CCDC30: variants seen among roughly 807,000 people sequenced by gnomAD.
CCDC30 encodes coiled-coil domain-containing protein 30.
A neutral mutation model predicts 100.2 loss-of-function variants in CCDC30; 70 were observed. That is an observed-to-expected ratio of 0.70 (90% confidence interval 0.58 to 0.85). The LOEUF (loss-of-function observed/expected upper bound fraction) is 0.85. Ranked by LOEUF, CCDC30 falls within the 40% of genes least tolerant of loss-of-function variation. CCDC30 has a pLI of 0.00. For synonymous variants in CCDC30, 233 were observed against 269.5 expected (o/e 0.86, Z 1.33); for missense variants, 652 against 771.2 (o/e 0.85, Z 1.83).
chr1:42,619,800 C>A (rs112556213), intron 11 of CCDC30, among the ~76,000 whole-genome samples: 2 of 152,318 alleles, frequency 1.3e-5, no homozygotes, highest in African/African-American at 4.8e-5. Context: ...CCCCGCCCCC[C>A]ATCCACCTGC....
intron 6 of CCDC30, among the ~76,000 whole-genome samples, chr1:42,561,452 A>C (rs371580751): frequency 3.9e-5 from 6 of 152,354 alleles, no homozygotes; most frequent in Admixed American, 6.5e-5. Context: ...GATGGAACAT[A>C]TCTCAAAATA....
In CCDC30 at chr1:42,535,401, C is replaced by T. The variant is rs542048538; in HGVS notation, c.457-30895C>T. On this transcript the variant is annotated intron_variant, in intron 6 of 16. Transcript: ENST00000668663. ...GCTAAGAAAAGTGAGGTAACTAGCT[C>T]GGGATGCCATTGTTGGAAACCAGTA... Among the ~76,000 whole-genome samples, 13 of 151,704 alleles carry T rather than the reference C, an allele frequency of 8.6e-5. 1 individual carries two copies. In the South Asian group the frequency reaches 2.5e-3, roughly 29 times the overall value.
At chr1:42,473,405 A>T in intron 1 of CCDC30, 1 of 646,724 alleles carries the variant, frequency 1.5e-6, no homozygotes. Flanking sequence ...ATCACTGTAT[A>T]GTTTGAAAAG....
intron 6 of CCDC30, among the ~76,000 whole-genome samples, chr1:42,565,195 G>A (rs1336422558): frequency 2.0e-5 from 3 of 152,034 alleles, no homozygotes; most frequent in Admixed American, 6.6e-5. Context: ...ATGGGGTTGC[G>A]TCAAGTTAAA....
At chr1:42,600,097 C>T (rs780863207) in intron 10 of CCDC30, among the ~76,000 whole-genome samples, 2 of 152,130 alleles carry the variant, frequency 1.3e-5, no homozygotes, top group Non-Finnish European at 2.9e-5. Context: ...GATCCAATCA[C>T]CTTCCACCAG....
chr1:42,621,167 A>T (rs1169512199), intron 11 of CCDC30, among the ~76,000 whole-genome samples: 2 of 152,242 alleles, frequency 1.3e-5, no homozygotes, highest in Non-Finnish European at 2.9e-5. Flanking sequence ...TTTTATAGGT[A>T]CATAGTAGGT....
chr1:42,644,895 T>C, intron 14 of CCDC30, 88 bp downstream of exon 18: 2 of 831,940 alleles, frequency 2.4e-6, no homozygotes, highest in Non-Finnish European at 4.0e-6. Flanking sequence ...TTCATCTTTA[T>C]ATAGCTGTAG....
intron 6 of CCDC30, among the ~76,000 whole-genome samples, chr1:42,532,459 T>C (rs1032360885): frequency 1.3e-5 from 2 of 152,230 alleles, no homozygotes; most frequent in African/African-American, 4.8e-5. Flanking sequence ...CTTAGTGCTG[T>C]TATTACACGT....
In CCDC30 at chr1:42,641,259, GT is replaced by G. The variant is rs2148683612; in HGVS notation, c.1420-1213del. Among the ~76,000 whole-genome samples, 4 of 149,030 alleles carry G rather than the reference GT, an allele frequency of 2.7e-5. No homozygotes were observed. The South Asian group carries it at 8.5e-4, about 32-fold the overall frequency. On this transcript the variant is annotated intron_variant, in intron 12 of 16. Coordinates refer to ENST00000668663, the Ensembl canonical transcript of CCDC30. ...TGTGTGTGTGTGTGTGTGTGTGTGT[GT>G]GGAGACGGGGTCTCACCATGTTGAC...
chr1:42,625,213 G>C (rs1419606304), intron 11 of CCDC30, among the ~76,000 whole-genome samples: 1 of 151,786 alleles, frequency 6.6e-6, no homozygotes, highest in Non-Finnish European at 1.5e-5. Context: ...GAATTTCTGT[G>C]GTATTAGTTG....
intron 2 of CCDC30, among the ~76,000 whole-genome samples, chr1:42,481,334 G>A (rs1176033518): frequency 6.6e-6 from 1 of 151,990 alleles, no homozygotes; most frequent in Non-Finnish European, 1.5e-5. Flanking sequence ...CCAGCACTTT[G>A]GGAGGCCAAG....
intron 6 of CCDC30, among the ~76,000 whole-genome samples, chr1:42,561,981 A>G (rs960250035): frequency 1.3e-5 from 2 of 151,894 alleles, no homozygotes; most frequent in Non-Finnish European, 1.5e-5. Flanking sequence ...GTTCCATCCT[A>G]ACATCCTAAT....
chr1:42,462,875 A>G (rs1172150938), upstream of CCDC30, among the ~76,000 whole-genome samples: 1 of 152,182 alleles, frequency 6.6e-6, no homozygotes, highest in African/African-American at 2.4e-5. Flanking sequence ...TACGTGCCCC[A>G]CGTGGCTAGT....
chr1:42,482,583 T>TTTTTTTTTTTTTTTTTTTTGAG (rs1643979903), intron 2 of CCDC30, 80 bp from the exon 3 acceptor site: 2 of 915,148 alleles, frequency 2.2e-6, no homozygotes, highest in African/African-American at 3.4e-5. Flanking sequence ...TATTGGCTTT[T>TTTTTTTTTTTTTTTTTTTTGAG]AAACATTAAT....
rs530068027 is a variant in CCDC30, at chr1:42,543,253, G to A, written c.457-23043G>A. Among the ~76,000 whole-genome samples, 388 of 149,212 alleles carry A rather than the reference G, an allele frequency of 2.6e-3. 1 individual carries two copies. The highest frequency in any genetic ancestry group is 4.4e-3 in the Non-Finnish European group (297 of 67,608). Reference sequence around the variant, plus strand: ...CTCCCAAAGTGCTGGGATTACAGGTGTGAGCCACCACAACTGGCCTTCTTT... The same window carrying A: ...CTCCCAAAGTGCTGGGATTACAGGTATGAGCCACCACAACTGGCCTTCTTT... On this transcript the variant is annotated intron_variant, in intron 6 of 16. Coordinates refer to ENST00000668663, the Ensembl canonical transcript of CCDC30.
intron 9 of CCDC30, 129 bp downstream of exon 13, chr1:42,581,643 C>A: frequency 1.3e-6 from 1 of 752,858 alleles, no homozygotes; most frequent in Non-Finnish European, 2.1e-6. Context: ...AACTCAGCCA[C>A]ACACAATTCC....
At chr1:42,473,431 C>CT (rs533619604) in intron 1 of CCDC30, 7,818 of 367,226 alleles carry the variant, frequency 0.021, no homozygotes, top group East Asian at 0.057. Context: ...ACGTGTAGAC[C>CT]TTTTTTTTTT....
chr1:42,502,647 A>C (rs72659929), intron 6 of CCDC30, among the ~76,000 whole-genome samples: 2 of 152,004 alleles, frequency 1.3e-5, no homozygotes, highest in Non-Finnish European at 2.9e-5. Flanking sequence ...ATCCCCCAAG[A>C]GAGAAACTCT....
chr1:42,616,916 T>C (rs1015315138), intron 11 of CCDC30, among the ~76,000 whole-genome samples: 1 of 152,210 alleles, frequency 6.6e-6, no homozygotes, highest in Non-Finnish European at 1.5e-5. Context: ...TACAGTCACT[T>C]AATAGGACAT....
Sources: allele counts gnomAD v4.1 joint callset (sites outside exome capture counted in the v4.1 genomes callset), GRCh38; gene constraint gnomAD v4.1.1; transcripts MANE v1.5; gene names NCBI Gene and HGNC (gene_info 2026-07-23, HGNC 2026-07-21).